Variants in SLC44A5 observed in about 807,000 individuals in gnomAD.
SLC44A5 encodes choline transporter-like protein 5.
SLC44A5 carries 57 observed loss-of-function variants against 101.8 expected under a neutral mutation model. That is an observed-to-expected ratio of 0.56 (90% CI 0.45 to 0.70). SLC44A5 has a LOEUF of 0.70. Ranked by LOEUF, SLC44A5 falls within the 30% of genes least tolerant of loss-of-function variation. The probability of loss-of-function intolerance (pLI) is 0.00; values close to 1 mark genes in which losing one functional copy is unlikely to be tolerated. For synonymous variants in SLC44A5, 281 were observed against 290.9 expected (o/e 0.97, Z 0.35); for missense variants, 737 against 853.1 (o/e 0.86, Z 1.70).
chr1:75,221,435 A>G (rs1647078600), intron 14 of SLC44A5, among the ~76,000 whole-genome samples: 1 of 152,178 alleles, frequency 6.6e-6, no homozygotes, highest in Non-Finnish European at 1.5e-5. Flanking sequence ...TCTTGGCATG[A>G]ATTTTATGAA....
Position 75,237,781 on chromosome 1 carries a change from T to C in SLC44A5, c.657-711A>G, listed in dbSNP as rs982678203. ...CACAGATTTATATTTCTGAAAATCATGCAAGCTGCTATTGTATTCTAAATC... is the reference window on the plus strand; with the variant it reads ...CACAGATTTATATTTCTGAAAATCACGCAAGCTGCTATTGTATTCTAAATC... On this transcript the variant is annotated intron_variant, in intron 10 of 23. Coordinates refer to ENST00000370859, the MANE Select transcript of SLC44A5 (RefSeq NM_001130058.2). 2.0e-5 allele frequency among the ~76,000 whole-genome samples: 3 copies of C among 152,152 alleles called. No individual in the cohort carries two copies. In the South Asian group the frequency reaches 6.2e-4, roughly 31 times the overall value.
At chr1:75,220,707 A>C (rs995345885) in intron 14 of SLC44A5, among the ~76,000 whole-genome samples, 1 of 152,204 alleles carries the variant, frequency 6.6e-6, no homozygotes, top group African/African-American at 2.4e-5. Context: ...TCTTTTCAGC[A>C]TATGACACTG....
chr1:75,564,304 G>A (rs556909998), intron 1 of SLC44A5, among the ~76,000 whole-genome samples: 31 of 152,144 alleles, frequency 2.0e-4, no homozygotes, highest in Non-Finnish European at 4.4e-4. Flanking sequence ...ATGTCGAAGT[G>A]ATCCACTGGG....
intron 1 of SLC44A5, 69 bp downstream of exon 1, chr1:75,610,971 C>T (rs771608818): frequency 1.3e-4 from 77 of 576,574 alleles, no homozygotes; most frequent in Non-Finnish European, 1.6e-4. Context: ...AGAATACGTA[C>T]TTATGAATAA....
At chr1:75,580,488 A>G (rs1673622189) in intron 1 of SLC44A5, among the ~76,000 whole-genome samples, 1 of 152,226 alleles carries the variant, frequency 6.6e-6, no homozygotes, top group Admixed American at 6.5e-5. Context: ...TTGTTAGCAG[A>G]AAGGGCCATA....
At chr1:75,541,613 A>C in intron 1 of SLC44A5, 97 bp from the exon 2 acceptor site, 1 of 661,248 alleles carries the variant, frequency 1.5e-6, no homozygotes, top group South Asian at 2.8e-5. Flanking sequence ...ACTTACTATA[A>C]TTTACTCTCC....
intron 4 of SLC44A5, among the ~76,000 whole-genome samples, chr1:75,328,242 G>T (rs909107543): frequency 1.3e-5 from 2 of 152,092 alleles, no homozygotes; most frequent in African/African-American, 2.4e-5. Flanking sequence ...TTGATTGAGA[G>T]CAAATAAAAA....
intron 4 of SLC44A5, among the ~76,000 whole-genome samples, chr1:75,315,022 C>T (rs578098715): frequency 2.9e-4 from 44 of 152,090 alleles, no homozygotes; most frequent in Non-Finnish European, 5.7e-4. Context: ...ATTCTATCTA[C>T]AATTAACACC....
At chr1:75,710,986 A>G in the SLC44A5 span, among the ~76,000 whole-genome samples, 2 of 151,954 alleles carry the variant, frequency 1.3e-5, no homozygotes, top group Admixed American at 6.6e-5. Context: ...CCCTGTTCCT[A>G]GTTTCTGTTT....
At chr1:75,261,238 G>C (rs1209905495) in intron 6 of SLC44A5, among the ~76,000 whole-genome samples, 1 of 152,086 alleles carries the variant, frequency 6.6e-6, no homozygotes. Flanking sequence ...CCAGGATCTG[G>C]TTTTTTGAAA....
chr1:75,495,259 T>A (rs1230118371), intron 2 of SLC44A5, among the ~76,000 whole-genome samples: 4 of 152,018 alleles, frequency 2.6e-5, no homozygotes, highest in Non-Finnish European at 1.5e-5. Context: ...ATTGAGATCA[T>A]CCTGGCTAAC....
intron 2 of SLC44A5, among the ~76,000 whole-genome samples, chr1:75,463,654 A>C (rs530046841): frequency 2.0e-5 from 3 of 152,156 alleles, no homozygotes; most frequent in African/African-American, 7.2e-5. Flanking sequence ...TTCCCCAGAC[A>C]AACAAAAGCT....
the SLC44A5 span, among the ~76,000 whole-genome samples, chr1:75,699,473 G>A: frequency 1.8e-4 from 28 of 151,488 alleles, no homozygotes; most frequent in Non-Finnish European, 4.0e-4. Flanking sequence ...GTCACCACCC[G>A]GCCTGCCCTA....
At chr1:75,474,301 T>C (rs1278242235) in intron 2 of SLC44A5, among the ~76,000 whole-genome samples, 4 of 152,210 alleles carry the variant, frequency 2.6e-5, no homozygotes, top group Non-Finnish European at 5.9e-5. Flanking sequence ...ACTAGATTCA[T>C]TCTGTTTTAT....
In SLC44A5 at chr1:75,557,559, AC is replaced by A. The variant is rs1672287420; in HGVS notation, c.-69-16044del. 2.0e-5 allele frequency among the ~76,000 whole-genome samples: 3 copies of A among 152,258 alleles called. No homozygotes were observed. In the South Asian group the frequency reaches 6.2e-4, roughly 32 times the overall value. On this transcript the variant is annotated intron_variant, in intron 1 of 23. Coordinates refer to ENST00000370859, the MANE Select transcript of SLC44A5 (RefSeq NM_001130058.2). Reference sequence around the variant, plus strand: ...TGGTGCTTTGTCAGGGTAATTTTCCACATTCTACAAGTGTTATCTGGGTATA... The same window carrying A: ...TGGTGCTTTGTCAGGGTAATTTTCCAATTCTACAAGTGTTATCTGGGTATA...
At chr1:75,226,702 C>T (rs924145336) in intron 13 of SLC44A5, among the ~76,000 whole-genome samples, 7 of 151,900 alleles carry the variant, frequency 4.6e-5, no homozygotes, top group Non-Finnish European at 7.4e-5. Context: ...GTCTGGCTCT[C>T]TAACTTCAAG....
intron 1 of SLC44A5, among the ~76,000 whole-genome samples, chr1:75,553,951 T>A (rs904447802): frequency 6.6e-6 from 1 of 151,994 alleles, no homozygotes; most frequent in Non-Finnish European, 1.5e-5. Context: ...AGCAGGGCAC[T>A]GTCAGGTTGC....
rs181571767 is a variant in SLC44A5 at position 75,495,622 on chromosome 1, C to T, written c.13+45813G>A. Among the ~76,000 whole-genome samples the T allele has an allele frequency of 2.0e-5, 3 of 151,646 alleles. No individual in the cohort carries two copies. In the East Asian group the frequency reaches 5.8e-4, roughly 29 times the overall value. On this transcript the variant is annotated intron_variant, in intron 2 of 23. Coordinates refer to ENST00000370859, the MANE Select transcript of SLC44A5 (RefSeq NM_001130058.2). ...GAAAAATTTCAATACAAGGGCTCAACAGCAGACTAGATAAGGAGAAGAAAG... is the reference window on the plus strand; with the variant it reads ...GAAAAATTTCAATACAAGGGCTCAATAGCAGACTAGATAAGGAGAAGAAAG...
intron 1 of SLC44A5, among the ~76,000 whole-genome samples, chr1:75,555,861 A>G (rs946783868): frequency 2.0e-5 from 3 of 152,180 alleles, no homozygotes; most frequent in Admixed American, 1.3e-4. Context: ...CACACAGTAG[A>G]ATGTTATCCA....
Sources: allele counts gnomAD v4.1 joint callset (sites outside exome capture counted in the v4.1 genomes callset), GRCh38; gene constraint gnomAD v4.1.1; transcripts MANE v1.5; gene names NCBI Gene and HGNC (gene_info 2026-07-23, HGNC 2026-07-21).